RPTOR: variants seen among roughly 807,000 people sequenced by gnomAD.
The protein encoded by RPTOR is regulatory associated protein of MTOR complex 1, also known as regulatory-associated protein of mTOR.
RPTOR carries 21 observed loss-of-function variants against 169.9 expected under a neutral mutation model. The ratio of observed to expected loss-of-function variants is 0.12; its 90% CI spans 0.09 to 0.18. RPTOR has a LOEUF of 0.18. Ranked by LOEUF, RPTOR falls within the 10% of genes least tolerant of loss-of-function variation. RPTOR has a pLI of 1.00. For synonymous variants in RPTOR, 732 were observed against 753.2 expected (o/e 0.97, Z 0.46); for missense variants, 1,133 against 1,855.9 (o/e 0.61, Z 7.16).
At chr17:80,686,261 A>C (rs1013113135) in intron 3 of RPTOR, among the ~76,000 whole-genome samples, 2 of 148,536 alleles carry the variant, frequency 1.3e-5, no homozygotes, top group Admixed American at 1.4e-4. Flanking sequence ...ATCTCGGCTC[A>C]CTGCAAGCTC....
At chr17:80,728,446 G>GGTGTGTGTGTGTGTGTGTGTGT (rs71367012) in intron 4 of RPTOR, among the ~76,000 whole-genome samples, 7,184 of 148,080 alleles carry the variant, frequency 0.049, 219 homozygotes, top group South Asian at 0.086. Context: ...TCCACTCTGG[G>GGTGTGTGTGTGTGTGTGTGTGT]GTGTGTGTGT....
At chr17:80,752,814 G>A (rs748316727) in intron 5 of RPTOR, among the ~76,000 whole-genome samples, 1 of 152,134 alleles carries the variant, frequency 6.6e-6, no homozygotes, top group Non-Finnish European at 1.5e-5. Context: ...ACCTTTGAAT[G>A]TAATGCATTA....
chr17:80,769,963 T>C (rs2066825961), intron 6 of RPTOR, among the ~76,000 whole-genome samples: 2 of 152,140 alleles, frequency 1.3e-5, no homozygotes, highest in Admixed American at 6.5e-5. Flanking sequence ...CACGGGGGTC[T>C]CCACCCTTGT....
intron 3 of RPTOR, among the ~76,000 whole-genome samples, chr17:80,671,556 C>T (rs935977649): frequency 7.9e-5 from 12 of 152,118 alleles, no homozygotes; most frequent in African/African-American, 2.9e-4. Flanking sequence ...TAAAAAAGAA[C>T]TTAAGTCGGT....
At chr17:80,713,230 G>A (rs1424842114) in intron 4 of RPTOR, among the ~76,000 whole-genome samples, 7 of 152,154 alleles carry the variant, frequency 4.6e-5, no homozygotes, top group South Asian at 4.1e-4. Context: ...CTCCACGCCC[G>A]GCTAATTTTG....
intron 13 of RPTOR, among the ~76,000 whole-genome samples, chr17:80,866,441 A>G (rs150501469): frequency 6.6e-6 from 1 of 152,286 alleles, no homozygotes; most frequent in East Asian, 1.9e-4. Context: ...AGGAAATGAT[A>G]CAAATCAGAC....
rs1010033714 is a variant in RPTOR at position 80,609,474 on chromosome 17, G to C, written c.163-16217G>C. ...TAAATCATTTGATTTGGCTGGGCAG[G>C]GTGGCTCACACCTGTAATCCCAGCA... On this transcript the variant is annotated intron_variant, in intron 1 of 33. Coordinates refer to ENST00000306801, the MANE Select transcript of RPTOR (RefSeq NM_020761.3). The surrounding 1 kb of genome is among the most constrained non-coding windows in gnomAD (Gnocchi z 4.8). 6.6e-6 allele frequency among the ~76,000 whole-genome samples: 1 copy of C among 152,162 alleles called. No individual in the cohort carries two copies. Among genetic ancestry groups the C allele is most frequent in the South Asian group, 2.1e-4 (1 of 4,834 alleles).
At chr17:80,674,802 A>AC (rs1567851343) in intron 3 of RPTOR, among the ~76,000 whole-genome samples, 2 of 108,288 alleles carry the variant, frequency 1.8e-5, no homozygotes, top group East Asian at 3.9e-4. Context: ...AAAAAAAAAA[A>AC]AAAAAAAAAA....
At position 80,708,073 on chromosome 17, in the gene RPTOR, GC is replaced by G; in HGVS notation, c.507+77del. Reference sequence around the variant, plus strand: ...AATTGCGGTGGTCGGAGCAGGTCCTGCCCATCCGTAGCTTCTGTTAAGCCAT... The same window carrying G: ...AATTGCGGTGGTCGGAGCAGGTCCTGCCATCCGTAGCTTCTGTTAAGCCAT... On this transcript the variant is annotated intron_variant, in intron 4 of 33. Transcript: ENST00000306801. This position sits in a 1 kb window ranked among gnomAD's most constrained non-coding sequence, Gnocchi z 4.2. 7.0e-7 allele frequency: 1 copy of G among 1,432,840 alleles called. No individual in the cohort carries two copies. The highest frequency in any genetic ancestry group is 9.5e-7 in the Non-Finnish European group (1 of 1,049,452). The allele number at this position is 1,432,840 out of a possible 1,614,324, so 88.8% of individuals were successfully genotyped here.
intron 3 of RPTOR, among the ~76,000 whole-genome samples, chr17:80,672,562 G>A (rs984809894): frequency 2.6e-5 from 4 of 151,996 alleles, no homozygotes; most frequent in Non-Finnish European, 5.9e-5. Flanking sequence ...AGGCCGAGGC[G>A]GGCAGATCAC....
At chr17:80,760,068 A>G (rs2066718787) in intron 6 of RPTOR, among the ~76,000 whole-genome samples, 1 of 152,194 alleles carries the variant, frequency 6.6e-6, no homozygotes, top group South Asian at 2.1e-4. Flanking sequence ...TCCATGTTTT[A>G]TTTAGCCGGA....
intron 6 of RPTOR, among the ~76,000 whole-genome samples, chr17:80,786,680 G>C (rs932927362): frequency 6.6e-6 from 1 of 152,204 alleles, no homozygotes; most frequent in Non-Finnish European, 1.5e-5. Context: ...AGCCCAGTTC[G>C]AACAGTTGGC....
chr17:80,958,865 A>T (rs1321357912), intron 29 of RPTOR, among the ~76,000 whole-genome samples: 2 of 152,260 alleles, frequency 1.3e-5, no homozygotes, highest in Non-Finnish European at 2.9e-5. Flanking sequence ...CATTTGGAGC[A>T]GAGGCGAGAC....
chr17:80,863,134 A>G (rs2067939279), intron 13 of RPTOR, among the ~76,000 whole-genome samples: 1 of 152,202 alleles, frequency 6.6e-6, no homozygotes, highest in Non-Finnish European at 1.5e-5. Context: ...ACCATGTGCC[A>G]CCGGGGAGAA....
Position 80,860,644 on chromosome 17 carries a change from G to A in RPTOR, c.1509+2744G>A, listed in dbSNP as rs1598359074. Among the ~76,000 whole-genome samples, 1 of 152,092 alleles carries A rather than the reference G, an allele frequency of 6.6e-6. No individual in the cohort carries two copies. Among genetic ancestry groups the A allele is most frequent in the Non-Finnish European group, 1.5e-5 (1 of 68,024 alleles). On this transcript the variant is annotated intron_variant, in intron 13 of 33. Transcript: ENST00000306801. The surrounding 1 kb of genome is among the most constrained non-coding windows in gnomAD (Gnocchi z 5.8). The stretch of plus-strand genomic sequence containing the variant: ...TCCACCTTGGAGGCAGGCGTCAGTC[G>A]TACCCAGCACCAGTTGACCTCTCGC...
At chr17:80,602,788 T>C in intron 1 of RPTOR, 3 of 705,736 alleles carry the variant, frequency 4.3e-6, no homozygotes, top group Non-Finnish European at 7.9e-6. Flanking sequence ...CGAATCTCTC[T>C]GAGTGCCCAA....
chr17:80,630,421 C>G (rs1158469917), intron 2 of RPTOR, among the ~76,000 whole-genome samples: 1 of 152,174 alleles, frequency 6.6e-6, no homozygotes, highest in Non-Finnish European at 1.5e-5. Flanking sequence ...TCAAGGTTCT[C>G]CAGAGAAACA....
chr17:80,774,901 G>T (rs919097814), intron 6 of RPTOR, among the ~76,000 whole-genome samples: 2 of 152,210 alleles, frequency 1.3e-5, no homozygotes, highest in African/African-American at 4.8e-5. Flanking sequence ...AGGTTTTCAA[G>T]TAATTAAGCT....
Position 80,917,749 on chromosome 17 carries a change from G to GT in RPTOR, c.2521-4974dup, listed in dbSNP as rs540082498. 7.2e-5 allele frequency among the ~76,000 whole-genome samples: 11 copies of GT among 152,164 alleles called. No homozygotes were observed. The East Asian group carries it at 1.9e-3, about 27-fold the overall frequency. ...AGACAGACAGTTCTCTGTTGCCACCGTGATCCCTCCCTCTAGAACTGCACC... is the reference window on the plus strand; with the variant it reads ...AGACAGACAGTTCTCTGTTGCCACCGTTGATCCCTCCCTCTAGAACTGCACC... On this transcript the variant is annotated intron_variant, in intron 21 of 33. Transcript: ENST00000306801.
Sources: allele counts gnomAD v4.1 joint callset (sites outside exome capture counted in the v4.1 genomes callset), GRCh38; gene constraint gnomAD v4.1.1; non-coding constraint Gnocchi (gnomAD v3.1); transcripts MANE v1.5; gene names NCBI Gene and HGNC (gene_info 2026-07-23, HGNC 2026-07-21).